FHOD1: variants seen among roughly 807,000 people sequenced by gnomAD.
FHOD1 encodes the protein FH1/FH2 domain-containing protein 1.
Under a neutral mutation model 111.6 loss-of-function variants are expected in FHOD1, and 89 were observed. The ratio of observed to expected loss-of-function variants is 0.80; its 90% CI spans 0.67 to 0.95. FHOD1 has a LOEUF of 0.95. Ranked by LOEUF, FHOD1 falls within the 40% of genes least tolerant of loss-of-function variation. The pLI is 0.00. For synonymous variants in FHOD1, 618 were observed against 639.0 expected, an observed-to-expected ratio of 0.97 and a Z score of 0.50; for missense variants, 1,446 against 1,554.2, an observed-to-expected ratio of 0.93 and a Z score of 1.17.
Position 67,237,115 on chromosome 16 carries a change from C to G in FHOD1, c.994-1G>C. The G allele has an allele frequency of 6.2e-7, 1 of 1,608,582 alleles. No homozygotes were observed. On this transcript the variant is annotated splice_acceptor_variant, in intron 9 of 21. Transcript: ENST00000258201. LOFTEE classifies it high-confidence loss of function. The surrounding 1 kb of genome is among the most constrained non-coding windows in gnomAD (Gnocchi z 5.6). ...CTCCATCCTCCAATTTCAGGGCGTT[C>G]TAGCAGAGGCGGACCAGGATGTAAG... is the stretch of plus-strand genomic sequence containing the variant.
At position 67,229,822 on chromosome 16, in the gene FHOD1, C is replaced by T. The variant is rs767808985; in HGVS notation, c.3383G>A (p.Arg1128His). 5 of 1,614,212 alleles carry T rather than the reference C, an allele frequency of 3.1e-6. No individual in the cohort carries two copies. Among genetic ancestry groups the T allele is most frequent in the Admixed American group, 3.3e-5 (2 of 60,030 alleles). ...SSPRALAARE[R>H]KRSRGNRKSL... Reference sequence around the variant, plus strand: ...CTTGCGGTTGCCGCGGGAACGCTTGCGTTCCCTAGCAGCTAAGGCACGAGG... The same window carrying T: ...CTTGCGGTTGCCGCGGGAACGCTTGTGTTCCCTAGCAGCTAAGGCACGAGG... The change falls in exon 21 of 22, where the codon CGC (arginine) becomes CAC (histidine). Residue 1128 changes from arginine (R) to histidine (H), a missense_variant. Transcript: ENST00000258201.
At chr16:67,236,129 A>G in intron 11 of FHOD1, 1 of 731,548 alleles carries the variant, frequency 1.4e-6, no homozygotes, top group Non-Finnish European at 1.7e-6. Flanking sequence ...ATGGTTGCTC[A>G]TACCCACACA....
rs1262669020 is a variant in FHOD1, at chr16:67,233,701, C to G, written c.2002G>C (p.Glu668Gln). Reference protein sequence around the residue: ...DPVSVDTARLEHLFESRAKEV... With the variant: ...DPVSVDTARLQHLFESRAKEV... ...TTGGCACGAGACTCAAAGAGGTGTT[C>G]CAGTCGGGCCGTGTCCACTGAGACA... is the stretch of plus-strand genomic sequence containing the variant. The change falls in exon 13 of 22, where the codon GAA becomes CAA. Residue 668 changes from glutamate (E) to glutamine (Q), a missense_variant. Coordinates refer to ENST00000258201, the MANE Select transcript of FHOD1 (RefSeq NM_013241.3). 6.2e-7 allele frequency: 1 copy of G among 1,608,414 alleles called. No homozygotes were observed. The highest frequency in any genetic ancestry group is 1.3e-5 in the African/African-American group (1 of 74,734).
chr16:67,231,565 A>T lies in FHOD1; in HGVS notation c.2386-16T>A, dbSNP rs747674590. The T allele has an allele frequency of 1.2e-6, 2 of 1,614,170 alleles. No individual in the cohort carries two copies. Among genetic ancestry groups the T allele is most frequent in the South Asian group, 2.2e-5 (2 of 91,090 alleles). Reference sequence around the variant, plus strand: ...CAGCAATTTCCTGGTATGGGAGACCAGGGACTCTCAGACTACATGGTCATG... The same window carrying T: ...CAGCAATTTCCTGGTATGGGAGACCTGGGACTCTCAGACTACATGGTCATG... On this transcript the variant is annotated splice_polypyrimidine_tract_variant and intron_variant, in intron 15 of 21. Transcript: ENST00000258201. The surrounding 1 kb of genome is among the most constrained non-coding windows in gnomAD (Gnocchi z 4.3).
Position 67,239,373 on chromosome 16 carries a change from G to A in FHOD1, c.283C>T (p.Leu95=), listed in dbSNP as rs1180953020. 6.2e-7 allele frequency: 1 copy of A among 1,614,106 alleles called. No individual in the cohort carries two copies. Residue 95 remains leucine (L), a synonymous_variant, in exon 2 of 22, where the codon CTG becomes TTG. Coordinates refer to ENST00000258201, the MANE Select transcript of FHOD1 (RefSeq NM_013241.3). The part of the protein sequence containing the change: ...ELSLEEQREM[L]EGFYEEISKG... ...CTGATCTCTTCATAGAAGCCCTCCAGCATCTCCCGCTGCTCTTCCAGGGAC... is the reference window on the plus strand; with the variant it reads ...CTGATCTCTTCATAGAAGCCCTCCAACATCTCCCGCTGCTCTTCCAGGGAC...
chr16:67,240,762 C>T (rs1034285274), intron 1 of FHOD1, among the ~76,000 whole-genome samples: 2 of 152,246 alleles, frequency 1.3e-5, no homozygotes, highest in African/African-American at 4.8e-5. Flanking sequence ...CTCTCCCAGA[C>T]ACCTCCCTCC....
rs1567381927 is a variant in FHOD1 at position 67,230,303 on chromosome 16, AG to A, written c.3051+10del. 6.2e-7 allele frequency: 1 copy of A among 1,614,064 alleles called. No homozygotes were observed. The highest frequency in any genetic ancestry group is 8.5e-7 in the Non-Finnish European group (1 of 1,179,900). Reference sequence around the variant, plus strand: ...GTGGCAGTCAAGACTAAGACCTGGAAGGGCACCCACCTCGGTGATCATGCGT... The same window carrying A: ...GTGGCAGTCAAGACTAAGACCTGGAAGGCACCCACCTCGGTGATCATGCGT... On this transcript the variant is annotated intron_variant, in intron 19 of 21. Coordinates refer to ENST00000258201, the MANE Select transcript of FHOD1 (RefSeq NM_013241.3).
chr16:67,236,938 TTTCCCATCTACAGA>T lies in FHOD1; in HGVS notation c.1142+14_1142+27del, dbSNP rs374748862. On this transcript the variant is annotated intron_variant, in intron 10 of 21. Coordinates refer to ENST00000258201, the MANE Select transcript of FHOD1 (RefSeq NM_013241.3). ...TGGGCCATGCCTAGTAGATCCACCCTTTCCCATCTACAGATGCTCGTACTTACCCAGGTTCCGGG... is the reference window on the plus strand; with the variant it reads ...TGGGCCATGCCTAGTAGATCCACCCTTGCTCGTACTTACCCAGGTTCCGGG... 50,970 of 1,550,238 alleles carry T rather than the reference TTTCCCATCTACAGA, an allele frequency of 0.033. 1,227 individuals are homozygous for T. Among genetic ancestry groups the T allele is most frequent in the South Asian group, 0.071 (5,782 of 81,146 alleles).
chr16:67,241,245 C>T (rs2034659692), intron 1 of FHOD1, among the ~76,000 whole-genome samples: 1 of 152,082 alleles, frequency 6.6e-6, no homozygotes, highest in African/African-American at 2.4e-5. Flanking sequence ...CCACTTTCCC[C>T]TCCCTGGGAG....
At chr16:67,230,019 C>A (rs1407469167) in intron 20 of FHOD1, 29 bp from the exon 21 acceptor site, 1 of 1,612,984 alleles carries the variant, frequency 6.2e-7, no homozygotes, top group Non-Finnish European at 8.5e-7. Flanking sequence ...CAAAGTCAGG[C>A]CAAGGTGGCA....
chr16:67,239,520 G>T, intron 1 of FHOD1, 66 bp from the exon 2 acceptor site: 1 of 1,164,846 alleles, frequency 8.6e-7, no homozygotes, highest in South Asian at 1.2e-5. Flanking sequence ...GAAGACCCCT[G>T]ACCTCTTACC....
At chr16:67,236,271 A>T in intron 11 of FHOD1, 1 of 863,952 alleles carries the variant, frequency 1.2e-6, no homozygotes, top group Non-Finnish European at 1.6e-6. Flanking sequence ...AGACAGAGGC[A>T]GCAGAACAAG....
intron 1 of FHOD1, among the ~76,000 whole-genome samples, chr16:67,244,400 G>A (rs2034751379): frequency 1.3e-5 from 2 of 152,168 alleles, no homozygotes; most frequent in African/African-American, 2.4e-5. Context: ...TATTTTGGAG[G>A]GGAGGAAGGC....
chr16:67,234,468 G>A lies in FHOD1; in HGVS notation c.1324C>T (p.Arg442Trp), dbSNP rs904601743. 16 of 1,582,662 alleles carry A rather than the reference G, an allele frequency of 1.0e-5. No homozygotes were observed. Among genetic ancestry groups the A allele is most frequent in the African/African-American group, 1.3e-5 (1 of 74,110 alleles). Residue 442 changes from arginine to tryptophan, a missense_variant, in exon 12 of 22, where the codon CGG (arginine) becomes TGG (tryptophan). Coordinates refer to ENST00000258201, the MANE Select transcript of FHOD1 (RefSeq NM_013241.3). The stretch of plus-strand genomic sequence containing the variant: ...GCTGCCGCCACATTCTCCAGGAACC[G>A]GGCTCTGAGGGAAGGTGCTTGTCAC... ...TSSERSIYKA[R>W]FLENVAAAET... is the part of the protein sequence containing the mutation.
rs1444868183 is a variant in FHOD1 at position 67,237,310 on chromosome 16, C to T, written c.922G>A (p.Ala308Thr). ...GTGCCCAGGTGGCGCTGGACCAGCG[C>T]TTCCATGCCCTGCTGCTCCAGTGCA... ...TDALEQQGME[A>T]LVQRHLGTAG... is the part of the protein sequence containing the mutation. The change falls in exon 9 of 22, where the codon GCG becomes ACG. Residue 308 changes from alanine (A) to threonine (T), a missense_variant. Around this residue, in one of 3 missense-constraint regions of FHOD1, gnomAD observed 234 missense variants for 327.4 expected, o/e 0.71. Transcript: ENST00000258201. The surrounding 1 kb of genome is among the most constrained non-coding windows in gnomAD (Gnocchi z 5.6). The T allele has an allele frequency of 1.9e-6, 3 of 1,614,064 alleles. No individual in the cohort carries two copies. The highest frequency in any genetic ancestry group is 2.2e-5 in the East Asian group (1 of 44,880).
chr16:67,230,355 A>G lies in FHOD1; in HGVS notation c.3010T>C (p.Tyr1004His), dbSNP rs998356242. 4.3e-6 allele frequency: 7 copies of G among 1,614,218 alleles called. No homozygotes were observed. The highest frequency in any genetic ancestry group is 1.3e-5 in the African/African-American group (1 of 75,052). Residue 1004 changes from tyrosine to histidine, a missense_variant, in exon 19 of 22, where the codon TAC becomes CAC. Physicochemically the swap from Tyr to His is moderately conservative, Grantham distance 83. Around this residue, in one of 3 missense-constraint regions of FHOD1, gnomAD observed 1,085 missense variants for 1,108.8 expected, o/e 0.98. Coordinates refer to ENST00000258201, the MANE Select transcript of FHOD1 (RefSeq NM_013241.3). ...CCCCGGGTCTTGTTGCGCTCACGGTATGTGGCCTGCTTCTGCTGCTGCTGT... is the reference window on the plus strand; with the variant it reads ...CCCCGGGTCTTGTTGCGCTCACGGTGTGTGGCCTGCTTCTGCTGCTGCTGT... ...VLQQQQKQAT[Y>H]RERNKTRGRM...
At position 67,230,186 on chromosome 16, in the gene FHOD1, G is replaced by A. The variant is rs557236288; in HGVS notation, c.3094C>T (p.Pro1032Ser). 1.9e-6 allele frequency: 3 copies of A among 1,614,018 alleles called. No individual in the cohort carries two copies. The South Asian group carries it at 3.3e-5, about 18-fold the overall frequency. Residue 1032 changes from proline (P) to serine (S), a missense_variant, in exon 20 of 22, where the codon CCC becomes TCC. Physicochemically the swap from Pro to Ser is moderately conservative, Grantham distance 74 (BLOSUM62 -1). Transcript: ENST00000258201. Reference protein sequence around the residue: ...SGVAGEAPSNPSVPVAVSSGP... With the variant: ...SGVAGEAPSNSSVPVAVSSGP... ...CTGCTCACTGCTACTGGGACAGAGG[G>A]GTTGCTGGGGGCTTCCCCAGCCACA...
Position 67,230,244 on chromosome 16 carries a change from G to A in FHOD1, c.3052-16C>T, listed in dbSNP as rs770216033. On this transcript the variant is annotated splice_polypyrimidine_tract_variant and intron_variant, in intron 19 of 21. Coordinates refer to ENST00000258201, the MANE Select transcript of FHOD1 (RefSeq NM_013241.3). ...ACTTCTCTGTCTGGAGAAAGAAGAA[G>A]GGTGAGCTGGGAGGAGCGAAGGAAA... The A allele has an allele frequency of 3.1e-6, 5 of 1,613,788 alleles. No homozygotes were observed. The highest frequency in any genetic ancestry group is 4.5e-5 in the East Asian group (2 of 44,874).
chr16:67,233,612 C>T (rs377043587), intron 13 of FHOD1, 45 bp downstream of exon 13: 8 of 1,533,140 alleles, frequency 5.2e-6, no homozygotes, highest in Non-Finnish European at 7.0e-6. Flanking sequence ...AGCTCTGATT[C>T]CCTCCTGCCT....
Sources: gnomAD v4.1 joint callset for allele counts (sites outside exome capture counted in the v4.1 genomes callset) on GRCh38, gnomAD v4.1.1 for gene constraint, gnomAD v4.1.1 regional missense constraint, Gnocchi (gnomAD v3.1) non-coding constraint, MANE v1.5 for transcripts, NCBI Gene and HGNC (gene_info 2026-07-23, HGNC 2026-07-21) for gene names.